Variants in PBX1 observed in about 807,000 individuals in gnomAD.
PBX1 encodes the protein PBX homeobox 1, also known as pre-B-cell leukemia transcription factor 1.
In PBX1, 6 loss-of-function variants were observed where a neutral mutation model predicts 53.4. That is an observed-to-expected ratio of 0.11 (90% CI 0.06 to 0.22). The LOEUF (loss-of-function observed/expected upper bound fraction) is 0.22, where lower values mean the gene tolerates loss of function less well. Among genes scored for constraint, PBX1 ranks in the 10% least tolerant of loss-of-function variants. PBX1 has a pLI of 1.00. For missense variants in PBX1, 251 were observed against 551.4 expected (o/e 0.46, Z 5.46); for synonymous variants, 204 against 212.3 (o/e 0.96, Z 0.34).
intron 2 of PBX1, among the ~76,000 whole-genome samples, chr1:164,875,526 TG>T (rs1371209552): frequency 6.6e-6 from 1 of 152,150 alleles, no homozygotes; most frequent in African/African-American, 2.4e-5. Context: ...CTCGAACTCC[TG>T]GGCTCAAGTG....
intron 2 of PBX1, among the ~76,000 whole-genome samples, chr1:164,658,199 A>G (rs1169755581): frequency 1.3e-5 from 2 of 152,180 alleles, no homozygotes; most frequent in East Asian, 1.9e-4. Flanking sequence ...TGGAATTTAA[A>G]ATAAAAGCCA....
chr1:164,586,063 T>C (rs1029867833), intron 2 of PBX1, among the ~76,000 whole-genome samples: 1 of 152,200 alleles, frequency 6.6e-6, no homozygotes, highest in Non-Finnish European at 1.5e-5. Context: ...AACTTTGATA[T>C]TCACAGATAG....
chr1:164,757,198 A>G (rs1244562354), intron 2 of PBX1, among the ~76,000 whole-genome samples: 4 of 152,160 alleles, frequency 2.6e-5, no homozygotes, highest in African/African-American at 4.8e-5. Flanking sequence ...CATATAAAAA[A>G]TATTTTGGGG....
At chr1:164,830,659 C>T (rs139116441) in intron 8 of PBX1, among the ~76,000 whole-genome samples, 1 of 152,168 alleles carries the variant, frequency 6.6e-6, no homozygotes, top group African/African-American at 2.4e-5. Flanking sequence ...TTGAACTCAT[C>T]TTGAACTCTT....
chr1:164,702,754 A>T (rs532964405), intron 2 of PBX1, among the ~76,000 whole-genome samples: 5 of 152,296 alleles, frequency 3.3e-5, no homozygotes, highest in African/African-American at 1.2e-4. Flanking sequence ...GGGAAATGCC[A>T]GGACCGTCCC....
intron 2 of PBX1, among the ~76,000 whole-genome samples, chr1:164,622,705 A>T (rs960744908): frequency 8.6e-5 from 13 of 151,984 alleles, no homozygotes; most frequent in Non-Finnish European, 1.5e-5. Context: ...TGAAATATGG[A>T]ATCCAGGCTT....
At chr1:164,842,231 G>T (rs1057183764) in intron 8 of PBX1, among the ~76,000 whole-genome samples, 1 of 152,118 alleles carries the variant, frequency 6.6e-6, no homozygotes, top group Non-Finnish European at 1.5e-5. Context: ...AAAAGGCAGG[G>T]TTTTGGTTGC....
intron 2 of PBX1, among the ~76,000 whole-genome samples, chr1:164,603,394 CG>C (rs2101806281): frequency 6.6e-6 from 1 of 152,116 alleles, no homozygotes; most frequent in South Asian, 2.1e-4. Context: ...CAAAATAATG[CG>C]GATTTGTCCT....
chr1:164,720,914 G>A (rs1047798414), intron 2 of PBX1, among the ~76,000 whole-genome samples: 1 of 152,136 alleles, frequency 6.6e-6, no homozygotes, highest in African/African-American at 2.4e-5. Context: ...TCCTTCCTGA[G>A]GTATATTTAC....
At chr1:164,822,824 G>C (rs1670227272) in intron 8 of PBX1, among the ~76,000 whole-genome samples, 1 of 152,174 alleles carries the variant, frequency 6.6e-6, no homozygotes, top group Non-Finnish European at 1.5e-5. Flanking sequence ...CAGAGAAACA[G>C]GTTTCACTTC....
chr1:164,821,805 C>T (rs974048012), intron 8 of PBX1, among the ~76,000 whole-genome samples, 179 bp downstream of exon 8: 3 of 152,114 alleles, frequency 2.0e-5, no homozygotes, highest in African/African-American at 7.2e-5. Flanking sequence ...AAAAAAGTGG[C>T]GATTGGGCAG....
Position 164,618,965 on chromosome 1 carries a change from C to G in PBX1, c.265+55654C>G, listed in dbSNP as rs576849017. On this transcript the variant is annotated intron_variant, in intron 2 of 8. Coordinates refer to ENST00000420696, the MANE Select transcript of PBX1 (RefSeq NM_002585.4). ...AGGCACTTACCTTTTAATTGGCCAT[C>G]AGCTTTGTTTTTAGCGCTTATGTAC... Among the ~76,000 whole-genome samples, 31 of 152,318 alleles carry G rather than the reference C, an allele frequency of 2.0e-4. No homozygotes were observed. The East Asian group carries it at 5.6e-3, about 28-fold the overall frequency.
At chr1:164,673,429 CCT>C (rs1027291215) in intron 2 of PBX1, among the ~76,000 whole-genome samples, 1 of 148,910 alleles carries the variant, frequency 6.7e-6, no homozygotes, top group Non-Finnish European at 1.5e-5. Context: ...ATCAGCCCAA[CCT>C]CTCTGGCATT....
intron 2 of PBX1, among the ~76,000 whole-genome samples, chr1:164,775,060 C>T (rs1429170730): frequency 6.6e-6 from 1 of 152,176 alleles, no homozygotes; most frequent in East Asian, 1.9e-4. Flanking sequence ...TGCTTCGCTA[C>T]ACCGAGGAAG....
intron 2 of PBX1, among the ~76,000 whole-genome samples, chr1:164,710,835 T>G (rs941734751): frequency 7.9e-5 from 12 of 152,208 alleles, no homozygotes; most frequent in Admixed American, 1.3e-4. Flanking sequence ...ATTTGAAATA[T>G]TGTGAAACAT....
chr1:164,807,526 CTT>C lies in PBX1; in HGVS notation c.702-14_702-13del. On this transcript the variant is annotated splice_polypyrimidine_tract_variant and intron_variant, in intron 4 of 8. Transcript: ENST00000420696. ...GTGTGAGCCTTTTTGTTATTATTTC[CTT>C]TCTCTTTACAAAGGCGGAAGAGACG... 1 of 1,609,346 alleles carries C rather than the reference CTT, an allele frequency of 6.2e-7. No homozygotes were observed. Among genetic ancestry groups the C allele is most frequent in the Non-Finnish European group, 8.5e-7 (1 of 1,177,898 alleles).
At chr1:164,571,963 G>A (rs1271409614) in intron 2 of PBX1, among the ~76,000 whole-genome samples, 1 of 134,914 alleles carries the variant, frequency 7.4e-6, no homozygotes, top group Non-Finnish European at 1.5e-5. Context: ...CAGGAGTGCA[G>A]TAGTGCGATC....
At chr1:164,690,593 T>A (rs1301111917) in intron 2 of PBX1, among the ~76,000 whole-genome samples, 1 of 150,992 alleles carries the variant, frequency 6.6e-6, no homozygotes, top group Admixed American at 6.6e-5. Flanking sequence ...ATAGCAAGAC[T>A]CTGTCTCTAA....
intron 2 of PBX1, among the ~76,000 whole-genome samples, chr1:164,568,591 C>T (rs1420366919): frequency 6.6e-6 from 1 of 152,158 alleles, no homozygotes; most frequent in Non-Finnish European, 1.5e-5. Flanking sequence ...GCTTTGAGTT[C>T]CTGTGGGTTA....
Sources: allele counts gnomAD v4.1 joint callset (sites outside exome capture counted in the v4.1 genomes callset), GRCh38; gene constraint gnomAD v4.1.1; transcripts MANE v1.5; gene names NCBI Gene and HGNC (gene_info 2026-07-23, HGNC 2026-07-21).